The following ARHGEF26 variants were observed in gnomAD, a reference collection of about 807,000 sequenced individuals.
ARHGEF26 encodes Rho guanine nucleotide exchange factor (GEF) 26.
Under a neutral mutation model 89.4 loss-of-function variants are expected in ARHGEF26, and 59 were observed. The observed-to-expected ratio is 0.66, with a 90% confidence interval of 0.54 to 0.82. The LOEUF is 0.82. ARHGEF26 is among the 40% of genes least tolerant of loss of function. The pLI is 0.00. For synonymous variants in ARHGEF26, 500 were observed against 428.4 expected (o/e 1.17, Z -2.06); for missense variants, 1,234 against 1,085.6 (o/e 1.14, Z -1.92).
chr3:154,153,258 G>C (rs143845722), intron 6 of ARHGEF26, among the ~76,000 whole-genome samples: 25 of 152,198 alleles, frequency 1.6e-4, no homozygotes, highest in Admixed American at 6.5e-4. Context: ...AGTAAAGAAA[G>C]AGTAAGCCTT....
intron 6 of ARHGEF26, among the ~76,000 whole-genome samples, chr3:154,176,020 G>A (rs1197811254): frequency 6.6e-6 from 1 of 152,218 alleles, no homozygotes; most frequent in Non-Finnish European, 1.5e-5. Flanking sequence ...AGAAACCAGA[G>A]TAGCTGCTGA....
intron 6 of ARHGEF26, among the ~76,000 whole-genome samples, chr3:154,179,525 G>A (rs889706408): frequency 1.4e-5 from 2 of 145,174 alleles, no homozygotes; most frequent in Non-Finnish European, 3.1e-5. Context: ...GAGAGGGCTA[G>A]CCTCTCTGAG....
At chr3:154,227,367 C>G (rs1461625152) in intron 11 of ARHGEF26, among the ~76,000 whole-genome samples, 1 of 147,986 alleles carries the variant, frequency 6.8e-6, no homozygotes, top group Non-Finnish European at 1.5e-5. Flanking sequence ...GTGATCTCGG[C>G]TCACTGCAGG....
intron 11 of ARHGEF26, among the ~76,000 whole-genome samples, chr3:154,231,184 C>G (rs1240617324): frequency 6.6e-6 from 1 of 152,160 alleles, no homozygotes; most frequent in Non-Finnish European, 1.5e-5. Flanking sequence ...TTCAAGATGG[C>G]AAGATGGGGT....
intron 9 of ARHGEF26, among the ~76,000 whole-genome samples, chr3:154,198,038 G>T (rs1714393343): frequency 6.6e-6 from 1 of 152,130 alleles, no homozygotes; most frequent in African/African-American, 2.4e-5. Flanking sequence ...AGGCAAAATA[G>T]TCAAGCTCTA....
At position 154,257,702 on chromosome 3, in the gene ARHGEF26, GCT is replaced by G. The variant is rs1186386310; in HGVS notation, c.*2232_*2233del. 4 of 152,104 alleles carry G rather than the reference GCT, an allele frequency of 2.6e-5. No individual in the cohort carries two copies. The East Asian group carries it at 7.7e-4, about 29-fold the overall frequency. 9.4% of individuals were successfully genotyped at this position (152,104 alleles called of 1,614,324 possible). ...AACCTAGTTGTTTCTATGGACACCTGCTCTGAATTGTACATTGACTTCATTAC... is the reference window on the plus strand; with the variant it reads ...AACCTAGTTGTTTCTATGGACACCTGCTGAATTGTACATTGACTTCATTAC... On this transcript the variant is annotated 3_prime_UTR_variant, in exon 15 of 15. Coordinates refer to ENST00000465093, the MANE Select transcript of ARHGEF26 (RefSeq NM_015595.4).
At chr3:154,235,883 G>T (rs1327250871) in intron 11 of ARHGEF26, among the ~76,000 whole-genome samples, 1 of 152,092 alleles carries the variant, frequency 6.6e-6, no homozygotes, top group Non-Finnish European at 1.5e-5. Flanking sequence ...GCTAACTACT[G>T]CAGATACATA....
rs1345622094 is a variant in ARHGEF26, at chr3:154,240,440, G to T, written c.2161G>T (p.Glu721Ter). ...QLLVESCDNE[E>*]LNSSPGKNSS... ...ATTGGTGGAATCTTGTGACAATGAA[G>T]AGCTTAATTCTTCTCCAGGGAAGAA... Residue 721 changes from glutamate (E) to a stop codon, truncating the protein, a stop_gained, in exon 12 of 15, where the codon GAG (glutamate) becomes TAG (stop). Coordinates refer to ENST00000465093, the MANE Select transcript of ARHGEF26 (RefSeq NM_015595.4). LOFTEE classifies it high-confidence loss of function. The T allele has an allele frequency of 1.2e-6, 2 of 1,613,494 alleles. No individual in the cohort carries two copies. The highest frequency in any genetic ancestry group is 4.5e-5 in the East Asian group (2 of 44,890).
intron 5 of ARHGEF26, among the ~76,000 whole-genome samples, chr3:154,149,750 A>G (rs1174881661): frequency 6.6e-6 from 1 of 152,160 alleles, no homozygotes; most frequent in Non-Finnish European, 1.5e-5. Flanking sequence ...CTTAGAACTG[A>G]AAAAGGATGT....
At chr3:154,210,846 G>A (rs1715318275) in intron 9 of ARHGEF26, among the ~76,000 whole-genome samples, 1 of 151,620 alleles carries the variant, frequency 6.6e-6, no homozygotes, top group Non-Finnish European at 1.5e-5. Flanking sequence ...GGGAGGCTGA[G>A]GCAGGAGAAT....
At chr3:154,171,370 C>G (rs1712426704) in intron 6 of ARHGEF26, among the ~76,000 whole-genome samples, 1 of 152,146 alleles carries the variant, frequency 6.6e-6, no homozygotes, top group African/African-American at 2.4e-5. Flanking sequence ...TGACACATCA[C>G]TATCACCTAA....
At chr3:154,229,840 A>G (rs947258701) in intron 11 of ARHGEF26, among the ~76,000 whole-genome samples, 2 of 152,186 alleles carry the variant, frequency 1.3e-5, no homozygotes, top group Non-Finnish European at 2.9e-5. Flanking sequence ...AATCTATCAG[A>G]CTGACACAGC....
At chr3:154,182,677 T>C (rs144025937) in intron 6 of ARHGEF26, among the ~76,000 whole-genome samples, 1,628 of 152,306 alleles carry the variant, frequency 0.011, 26 homozygotes, top group African/African-American at 0.037. Context: ...ATGTCTTAGT[T>C]GAGGGTTGGC....
chr3:154,196,769 G>A (rs1484478900), intron 9 of ARHGEF26, among the ~76,000 whole-genome samples: 1 of 151,978 alleles, frequency 6.6e-6, no homozygotes, highest in Non-Finnish European at 1.5e-5. Context: ...TGCTTTCCTA[G>A]AGGAGGAACT....
intron 4 of ARHGEF26, among the ~76,000 whole-genome samples, chr3:154,135,522 A>G (rs769571405): frequency 1.3e-4 from 20 of 152,124 alleles, no homozygotes; most frequent in Admixed American, 2.6e-4. Flanking sequence ...TGACTTTGAA[A>G]AGTAAGTTTT....
At chr3:154,128,255 C>T (rs1043083541) in intron 3 of ARHGEF26, among the ~76,000 whole-genome samples, 2 of 151,866 alleles carry the variant, frequency 1.3e-5, no homozygotes, top group Non-Finnish European at 2.9e-5. Flanking sequence ...TCTTCTTCTT[C>T]TTTTTTTTAT....
chr3:154,153,173 T>C (rs1559864829), intron 6 of ARHGEF26, among the ~76,000 whole-genome samples: 1 of 152,170 alleles, frequency 6.6e-6, no homozygotes, highest in Admixed American at 6.6e-5. Flanking sequence ...TTCCCCACTT[T>C]GCTTGCTCTT....
intron 6 of ARHGEF26, among the ~76,000 whole-genome samples, chr3:154,186,166 C>CACACACACACACA (rs397991429): frequency 2.8e-5 from 4 of 144,696 alleles, no homozygotes; most frequent in African/African-American, 1.1e-4. Context: ...CACACACACA[C>CACACACACACACA]CCCTATACAC....
At chr3:154,148,642 A>G (rs1312421956) in intron 4 of ARHGEF26, among the ~76,000 whole-genome samples, 1 of 152,074 alleles carries the variant, frequency 6.6e-6, no homozygotes, top group Non-Finnish European at 1.5e-5. Context: ...TCACCTGCAG[A>G]GATTGTGGGC....
Sources: allele counts gnomAD v4.1 joint callset (sites outside exome capture counted in the v4.1 genomes callset), GRCh38; gene constraint gnomAD v4.1.1; transcripts MANE v1.5; gene names NCBI Gene and HGNC (gene_info 2026-07-23, HGNC 2026-07-21).